Variants in DEFB110 observed in about 807,000 individuals in gnomAD.
DEFB110 encodes the protein defensin beta 110.
A neutral mutation model predicts 2.5 loss-of-function variants in DEFB110; 4 were observed. That is an observed-to-expected ratio of 1.60 (90% CI 0.79 to 3.66). The LOEUF (loss-of-function observed/expected upper bound fraction) is 3.66, where lower values mean the gene tolerates loss of function less well. Among genes scored for constraint, DEFB110 ranks in the 30% most tolerant of loss-of-function variants. The pLI is 0.01. For missense variants in DEFB110, 94 were observed against 75.4 expected, an observed-to-expected ratio of 1.25 and a Z score of -0.91; for synonymous variants, 29 against 21.8, an observed-to-expected ratio of 1.33 and a Z score of -0.92.
intron 1 of DEFB110, among the ~76,000 whole-genome samples, chr6:50,012,009 G>A (rs1207824297): frequency 6.6e-6 from 1 of 151,956 alleles, no homozygotes; most frequent in Non-Finnish European, 1.5e-5. Flanking sequence ...TTATTAAATT[G>A]AGGTTTTATT....
intron 1 of DEFB110, among the ~76,000 whole-genome samples, chr6:50,012,818 GA>G (rs1395481942): frequency 6.6e-6 from 1 of 151,690 alleles, no homozygotes; most frequent in Non-Finnish European, 1.5e-5. Context: ...TGGGGACAAA[GA>G]TAAATAAAAT....
downstream of DEFB110, chr6:50,018,698 TA>T: frequency 1.5e-6 from 1 of 662,736 alleles, no homozygotes; most frequent in Non-Finnish European, 2.0e-6. Flanking sequence ...ACAAGGCACA[TA>T]AAAGTTGTGG....
chr6:50,018,908 A>G lies in DEFB110; in HGVS notation c.*69T>C. On this transcript the variant is annotated 3_prime_UTR_variant, in exon 2 of 2. Transcript: ENST00000371148. Reference sequence around the variant, plus strand: ...TATAGAGACACACACGCCTTGAAGGATGTGCTGGGAAAACTTAATAACGCT... The same window carrying G: ...TATAGAGACACACACGCCTTGAAGGGTGTGCTGGGAAAACTTAATAACGCT... The G allele has an allele frequency of 2.6e-6, 4 of 1,529,424 alleles. No homozygotes were observed. Among genetic ancestry groups the G allele is most frequent in the Non-Finnish European group, 3.5e-6 (4 of 1,143,342 alleles). The allele number at this position is 1,529,424 out of a possible 1,614,324, so 94.7% of individuals were successfully genotyped here.
At chr6:50,016,958 T>G (rs1233574403), downstream of DEFB110, among the ~76,000 whole-genome samples, 1 of 151,702 alleles carries the variant, frequency 6.6e-6, no homozygotes, top group Non-Finnish European at 1.5e-5. Context: ...ACGCCTCACA[T>G]GTTTTTTAGA....
intron 1 of DEFB110, among the ~76,000 whole-genome samples, chr6:50,019,367 A>G (rs888298153): frequency 1.3e-5 from 2 of 152,102 alleles, no homozygotes; most frequent in Admixed American, 6.6e-5. Context: ...TGACCCAAGG[A>G]TGGTTCCCTA....
At chr6:50,021,514 C>T (rs1247275442) in intron 1 of DEFB110, among the ~76,000 whole-genome samples, 1 of 152,190 alleles carries the variant, frequency 6.6e-6, no homozygotes, top group East Asian at 1.9e-4. Flanking sequence ...CCATTTCTGT[C>T]TCACATCACT....
chr6:50,021,497 T>G (rs1252508771), intron 1 of DEFB110, among the ~76,000 whole-genome samples: 1 of 152,212 alleles, frequency 6.6e-6, no homozygotes, highest in Non-Finnish European at 1.5e-5. Context: ...CAAAGTAAAA[T>G]CTCTCTCCAT....
chr6:50,017,101 T>C (rs1255269542), downstream of DEFB110, among the ~76,000 whole-genome samples: 1 of 151,832 alleles, frequency 6.6e-6, no homozygotes, highest in Admixed American at 6.6e-5. Flanking sequence ...TTAGGTAAAA[T>C]AAATAAAAAT....
Position 50,013,047 on chromosome 6 carries a change from T to C in DEFB110, c.56-3776A>G, listed in dbSNP as rs1774252065. Among the ~76,000 whole-genome samples, 7 of 152,034 alleles carry C rather than the reference T, an allele frequency of 4.6e-5. No homozygotes were observed. The South Asian group carries it at 1.5e-3, about 32-fold the overall frequency. On this transcript the variant is annotated intron_variant, in intron 1 of 1. Transcript: ENST00000393660. ...ACTGCCACTATTAATAGCTATGTTT[T>C]ATTAAGTGTTCACTAGGTTTCAGAT...
chr6:50,015,342 C>T (rs61360709), downstream of DEFB110, among the ~76,000 whole-genome samples: 1 of 151,744 alleles, frequency 6.6e-6, no homozygotes. Context: ...GGCTAAAACC[C>T]TTTGAATTGC....
chr6:50,021,835 T>G, intron 1 of DEFB110, 46 bp downstream of exon 1: 1 of 1,499,076 alleles, frequency 6.7e-7, no homozygotes, highest in Non-Finnish European at 9.0e-7. Context: ...AACTTATGTC[T>G]TCTCAAATTT....
downstream of DEFB110, among the ~76,000 whole-genome samples, chr6:50,016,810 C>T (rs1255470869): frequency 2.6e-5 from 4 of 151,730 alleles, no homozygotes; most frequent in African/African-American, 9.7e-5. Context: ...GAGCTGAAGG[C>T]AGAGGCTGGT....
chr6:50,015,429 C>T (rs1180439964), downstream of DEFB110, among the ~76,000 whole-genome samples: 1 of 151,642 alleles, frequency 6.6e-6, no homozygotes, highest in African/African-American at 2.4e-5. Flanking sequence ...ATTTTCTCTC[C>T]AATTTCCTCT....
downstream of DEFB110, among the ~76,000 whole-genome samples, chr6:50,018,327 T>C (rs1774353022): frequency 6.6e-6 from 1 of 152,002 alleles, no homozygotes; most frequent in Non-Finnish European, 1.5e-5. Flanking sequence ...AGTTATTTTC[T>C]CCTCTTCTTT....
At chr6:50,017,434 A>G (rs1336711021), downstream of DEFB110, among the ~76,000 whole-genome samples, 1 of 151,876 alleles carries the variant, frequency 6.6e-6, no homozygotes, top group East Asian at 1.9e-4. Context: ...TCCCGCAAAG[A>G]GGATATTTGG....
chr6:50,021,908 GAATA>G lies in DEFB110; in HGVS notation c.24_27del (p.Ile9CysfsTer22). The stretch of plus-strand genomic sequence containing the variant: ...GGTAAAATTGTGACCCAAAAGTGCA[GAATA>G]AAGAAAAAAAGTTGAATCTTCATGG... On this transcript the variant is annotated frameshift_variant, in exon 1 of 2. Coordinates refer to ENST00000371148, the MANE Select transcript of DEFB110 (RefSeq NM_001037497.2). LOFTEE classifies it high-confidence loss of function. 1 of 1,553,404 alleles carries G rather than the reference GAATA, an allele frequency of 6.4e-7. No homozygotes were observed. The highest frequency in any genetic ancestry group is 1.4e-5 in the African/African-American group (1 of 70,732).
chr6:50,009,531 A>G (rs1216328991), intron 1 of DEFB110, among the ~76,000 whole-genome samples: 2 of 152,212 alleles, frequency 1.3e-5, no homozygotes, highest in Non-Finnish European at 2.9e-5. Context: ...CTCAGTCTAC[A>G]GTAACAACGA....
At chr6:50,017,090 C>T (rs1198737474), downstream of DEFB110, among the ~76,000 whole-genome samples, 1 of 151,650 alleles carries the variant, frequency 6.6e-6, no homozygotes, top group African/African-American at 2.4e-5. Context: ...TCAGTCTCTT[C>T]TTAGGTAAAA....
At chr6:50,014,280 T>C (rs1444551411), downstream of DEFB110, among the ~76,000 whole-genome samples, 4 of 151,780 alleles carry the variant, frequency 2.6e-5, no homozygotes, top group Non-Finnish European at 5.9e-5. Flanking sequence ...TTAATTGGTG[T>C]GAGTGAATTT....
Sources: allele counts gnomAD v4.1 joint callset (sites outside exome capture counted in the v4.1 genomes callset), GRCh38; gene constraint gnomAD v4.1.1; transcripts MANE v1.5; gene names NCBI Gene and HGNC (gene_info 2026-07-23, HGNC 2026-07-21).